POC1A: variants seen among roughly 807,000 people sequenced by gnomAD.
POC1A encodes POC1 centriolar protein A.
Under a neutral mutation model 47.8 loss-of-function variants are expected in POC1A, and 34 were observed. The ratio of observed to expected loss-of-function variants is 0.71; its 90% CI spans 0.54 to 0.95. The LOEUF (loss-of-function observed/expected upper bound fraction) is 0.95. POC1A is among the 40% of genes least tolerant of loss of function. The pLI, the probability that POC1A is intolerant of heterozygous loss-of-function variation, is 0.00. For synonymous variants in POC1A, 177 were observed against 207.6 expected, an observed-to-expected ratio of 0.85 and a Z score of 1.27; for missense variants, 466 against 528.3, an observed-to-expected ratio of 0.88 and a Z score of 1.16.
At chr3:52,112,587 A>G (rs1703423426) in intron 9 of POC1A, among the ~76,000 whole-genome samples, 1 of 152,210 alleles carries the variant, frequency 6.6e-6, no homozygotes, top group African/African-American at 2.4e-5. Context: ...GGTTGCAGTG[A>G]GCCGAGATCG....
At position 52,151,109 on chromosome 3, in the gene POC1A, G is replaced by C. The variant is rs1661438912; in HGVS notation, c.19-9C>G. ...TCCAGCGAGGGGTCCTCCTGAGAGAGAGCCAGGGTCAAATGTGTGAAGCCT... is the reference window on the plus strand; with the variant it reads ...TCCAGCGAGGGGTCCTCCTGAGAGACAGCCAGGGTCAAATGTGTGAAGCCT... On this transcript the variant is annotated splice_polypyrimidine_tract_variant and intron_variant, in intron 1 of 10. Coordinates refer to ENST00000296484, the MANE Select transcript of POC1A (RefSeq NM_015426.5). 6.2e-7 allele frequency: 1 copy of C among 1,613,542 alleles called. No homozygotes were observed. Among genetic ancestry groups the C allele is most frequent in the Non-Finnish European group, 8.5e-7 (1 of 1,179,776 alleles).
rs1424138801 is a variant in POC1A at position 52,154,355 on chromosome 3, C to A, written c.18G>T (p.Ala6=). 6.5e-7 allele frequency: 1 copy of A among 1,544,736 alleles called. No homozygotes were observed. The change falls in exon 1 of 11, where the codon GCG becomes GCT. Residue 6 remains alanine, a splice_region_variant and synonymous_variant. Transcript: ENST00000296484. MAAPC[A]EDPSLERHFK... is the part of the protein sequence containing the mutation. ...GGGAGTTGCTCTCGGCTGGGCTTACCGCGCAGGGCGCAGCCATGGCGGGGC... is the reference window on the plus strand; with the variant it reads ...GGGAGTTGCTCTCGGCTGGGCTTACAGCGCAGGGCGCAGCCATGGCGGGGC...
At chr3:52,124,990 C>T (rs908973852) in intron 8 of POC1A, 123 bp downstream of exon 8, 21 of 738,442 alleles carry the variant, frequency 2.8e-5, no homozygotes, top group East Asian at 5.2e-5. Context: ...CCTTTTTAGT[C>T]GCTGAAAGCC....
rs1702105230 is a variant in POC1A, at chr3:52,076,054, C to T, written c.1126-69G>A. The T allele has an allele frequency of 1.7e-5, 20 of 1,211,692 alleles. No individual in the cohort carries two copies. The South Asian group carries it at 2.2e-4, about 13-fold the overall frequency. 75.1% of individuals were successfully genotyped at this position (1,211,692 alleles called of 1,614,324 possible). The stretch of plus-strand genomic sequence containing the variant: ...CAGGCTGCTCTAGGGACCCCCTTGG[C>T]CAGTCCCCACTTGGCTGCCTCAGCC... On this transcript the variant is annotated intron_variant, in intron 10 of 10. Coordinates refer to ENST00000296484, the MANE Select transcript of POC1A (RefSeq NM_015426.5).
chr3:52,121,574 T>A (rs1279472376), intron 9 of POC1A, among the ~76,000 whole-genome samples: 1 of 152,190 alleles, frequency 6.6e-6, no homozygotes, highest in Non-Finnish European at 1.5e-5. Context: ...GGAGGCTTCC[T>A]AGTTCTATTC....
chr3:52,085,157 C>T (rs1035592918), intron 10 of POC1A, among the ~76,000 whole-genome samples: 6 of 152,238 alleles, frequency 3.9e-5, no homozygotes, highest in Admixed American at 6.5e-5. Context: ...GGTTAGTCGG[C>T]GTACCATTGG....
intron 6 of POC1A, among the ~76,000 whole-genome samples, chr3:52,138,872 C>T (rs1228663667): frequency 2.6e-5 from 4 of 152,116 alleles, no homozygotes; most frequent in Non-Finnish European, 4.4e-5. Flanking sequence ...CTCACTCTGT[C>T]GCCCAGACTG....
intron 7 of POC1A, among the ~76,000 whole-genome samples, chr3:52,131,041 G>T (rs534324225): frequency 6.6e-6 from 1 of 152,022 alleles, no homozygotes; most frequent in Admixed American, 6.6e-5. Context: ...TGGCGGGGGC[G>T]CATGGCACCG....
At chr3:52,114,660 C>T (rs1703498653) in intron 9 of POC1A, among the ~76,000 whole-genome samples, 2 of 152,204 alleles carry the variant, frequency 1.3e-5, no homozygotes, top group Admixed American at 6.5e-5. Context: ...TATTCACCAG[C>T]AGGTCACCTC....
chr3:52,143,931 C>T (rs966836756), intron 6 of POC1A, among the ~76,000 whole-genome samples: 1 of 152,238 alleles, frequency 6.6e-6, no homozygotes, highest in Non-Finnish European at 1.5e-5. Flanking sequence ...TACCCATGAA[C>T]ACCAGGCCCA....
At chr3:52,099,914 G>A (rs1236867820) in intron 9 of POC1A, among the ~76,000 whole-genome samples, 1 of 152,100 alleles carries the variant, frequency 6.6e-6, no homozygotes, top group Non-Finnish European at 1.5e-5. Context: ...ACTCGTATAG[G>A]CCTACACCAA....
At chr3:52,092,733 T>C (rs542324073) in intron 10 of POC1A, among the ~76,000 whole-genome samples, 1 of 152,270 alleles carries the variant, frequency 6.6e-6, no homozygotes, top group East Asian at 1.9e-4. Flanking sequence ...ATTTTCCCCA[T>C]ATAAATACAC....
In POC1A at chr3:52,122,418, C is replaced by G. The variant is rs1162601416; in HGVS notation, c.942G>C (p.Pro314=). The G allele has an allele frequency of 1.2e-6, 2 of 1,613,038 alleles. No individual in the cohort carries two copies. Among genetic ancestry groups the G allele is most frequent in the Non-Finnish European group, 8.5e-7 (1 of 1,179,002 alleles). ...AGCTGGCCAGTGTGGCTGGGGGCCT[C>G]GGCACTTTCGTGACTTCTCCATGAT... The part of the protein sequence containing the change: ...IVDHGEVTKV[P]RPPATLASSM... The change falls in exon 9 of 11, where the codon CCG becomes CCC. Residue 314 remains proline (P), a synonymous_variant. Coordinates refer to ENST00000296484, the MANE Select transcript of POC1A (RefSeq NM_015426.5).
intron 4 of POC1A, among the ~76,000 whole-genome samples, chr3:52,148,684 T>C (rs897274474): frequency 1.3e-5 from 2 of 152,122 alleles, no homozygotes; most frequent in Non-Finnish European, 2.9e-5. Context: ...AGCAAAATCA[T>C]CCCCTGAGAA....
chr3:52,151,469 G>C (rs1698552918), intron 1 of POC1A, among the ~76,000 whole-genome samples: 1 of 152,012 alleles, frequency 6.6e-6, no homozygotes, highest in African/African-American at 2.4e-5. Flanking sequence ...AAATTAGCCG[G>C]GCATGGTGGC....
chr3:52,082,390 C>T (rs1422054597), intron 10 of POC1A, among the ~76,000 whole-genome samples: 1 of 152,154 alleles, frequency 6.6e-6, no homozygotes, highest in Non-Finnish European at 1.5e-5. Flanking sequence ...TGCTGGGGAC[C>T]AAAACCAAGA....
At chr3:52,113,532 GTC>G (rs750173583) in intron 9 of POC1A, among the ~76,000 whole-genome samples, 19 of 152,314 alleles carry the variant, frequency 1.2e-4, no homozygotes, top group Middle Eastern at 6.8e-3. Flanking sequence ...GTGAAACACT[GTC>G]TCTACTAAAA....
intron 10 of POC1A, among the ~76,000 whole-genome samples, chr3:52,077,369 C>T (rs1428394985): frequency 2.0e-5 from 3 of 152,386 alleles, no homozygotes; most frequent in East Asian, 1.9e-4. Flanking sequence ...GAGTCTCCCC[C>T]TTTAAGGCTG....
At chr3:52,145,351 ACT>A (rs2107187779) in intron 6 of POC1A, among the ~76,000 whole-genome samples, 1 of 151,904 alleles carries the variant, frequency 6.6e-6, no homozygotes, top group Admixed American at 6.5e-5. Context: ...CCTCCCTATG[ACT>A]CTACATCTGC....
Sources: gnomAD v4.1 joint callset for allele counts (sites outside exome capture counted in the v4.1 genomes callset) on GRCh38, gnomAD v4.1.1 for gene constraint, MANE v1.5 for transcripts, NCBI Gene and HGNC (gene_info 2026-07-23, HGNC 2026-07-21) for gene names.